RAPGEF2: variants seen among roughly 807,000 people sequenced by gnomAD.
The protein encoded by RAPGEF2 is Rap guanine nucleotide exchange factor 2, also known as PDZ domain containing guanine nucleotide exchange factor (GEF) 1.
A neutral mutation model predicts 186.7 loss-of-function variants in RAPGEF2; 54 were observed. The ratio of observed to expected loss-of-function variants is 0.29; its 90% CI spans 0.23 to 0.36. The LOEUF (loss-of-function observed/expected upper bound fraction) is 0.36, where lower values mean the gene tolerates loss of function less well. Among genes scored for constraint, RAPGEF2 ranks in the 10% least tolerant of loss-of-function variants. The pLI, the probability that RAPGEF2 is intolerant of heterozygous loss-of-function variation, is 1.00. For missense variants in RAPGEF2, 1,532 were observed against 2,045.0 expected (o/e 0.75, Z 4.84); for synonymous variants, 712 against 705.9 (o/e 1.01, Z -0.14).
chr4:159,104,514 GAGAGAGAGAGAGGGAGAGAC>G lies in RAPGEF2; in HGVS notation c.69+296_69+315del, dbSNP rs1469659140. Among the ~76,000 whole-genome samples the G allele has an allele frequency of 1.1e-3, 139 of 130,924 alleles. 1 individual carries two copies. Among genetic ancestry groups the G allele is most frequent in the African/African-American group, 1.3e-3 (40 of 30,030 alleles). The allele number at this position is 130,924 out of a possible 152,430, so 85.9% of individuals were successfully genotyped here. The stretch of plus-strand genomic sequence containing the variant: ...CGAGAGAGAGAGAGAGAGAGAGAGA[GAGAGAGAGAGAGGGAGAGAC>G]AGAGAGAGAGAGAGAGAGAGTGTGT... On this transcript the variant is annotated intron_variant, in intron 1 of 29. Transcript: ENST00000691494.
At chr4:159,345,028 AT>A in intron 23 of RAPGEF2, 77 bp from the exon 24 acceptor site, 1 of 1,181,096 alleles carries the variant, frequency 8.5e-7, no homozygotes, top group Non-Finnish European at 1.2e-6. Context: ...GACTATTAAT[AT>A]CAGTCTTGGC....
At chr4:159,334,805 AAG>A (rs373749599) in intron 17 of RAPGEF2, among the ~76,000 whole-genome samples, 180 of 152,348 alleles carry the variant, frequency 1.2e-3, no homozygotes, top group African/African-American at 4.0e-3. Context: ...GGAAAAGAAA[AAG>A]AATGATTAGA....
intron 11 of RAPGEF2, among the ~76,000 whole-genome samples, chr4:159,326,079 G>A (rs1029319531): frequency 6.6e-6 from 1 of 152,136 alleles, no homozygotes; most frequent in Non-Finnish European, 1.5e-5. Context: ...CAGGGATTTC[G>A]TTCTTGTACT....
intron 8 of RAPGEF2, among the ~76,000 whole-genome samples, chr4:159,311,154 G>A (rs1432367218): frequency 1.3e-5 from 2 of 151,758 alleles, no homozygotes; most frequent in African/African-American, 2.4e-5. Flanking sequence ...TGTAAACTAG[G>A]GTTAGTAATA....
At chr4:159,177,690 C>T (rs7693588) in intron 1 of RAPGEF2, among the ~76,000 whole-genome samples, 1 of 152,154 alleles carries the variant, frequency 6.6e-6, no homozygotes, top group Non-Finnish European at 1.5e-5. Context: ...CTTAACCATA[C>T]CGTATCAATA....
At chr4:159,214,988 A>G (rs1750866257) in intron 4 of RAPGEF2, among the ~76,000 whole-genome samples, 1 of 152,098 alleles carries the variant, frequency 6.6e-6, no homozygotes, top group Admixed American at 6.5e-5. Context: ...TCGGCCTCCC[A>G]AGTAGTTGGT....
intron 25 of RAPGEF2, among the ~76,000 whole-genome samples, chr4:159,349,501 C>T (rs1359131826): frequency 3.0e-5 from 2 of 67,002 alleles, no homozygotes; most frequent in Non-Finnish European, 5.1e-5. Context: ...GGTGCTGGCT[C>T]ACTTCCTTCT....
intron 7 of RAPGEF2, among the ~76,000 whole-genome samples, chr4:159,257,450 C>G (rs1295867886): frequency 1.3e-5 from 2 of 152,120 alleles, no homozygotes; most frequent in East Asian, 3.9e-4. Flanking sequence ...ATGAGAACAG[C>G]ACAGGAAAGA....
chr4:159,104,510 G>GAC (rs1737586827), intron 1 of RAPGEF2, among the ~76,000 whole-genome samples: 1 of 129,686 alleles, frequency 7.7e-6, no homozygotes, highest in Non-Finnish European at 1.6e-5. Flanking sequence ...GAGAGAGAGA[G>GAC]AGAGAGAGAG....
chr4:159,194,647 C>G (rs574567158), intron 3 of RAPGEF2, among the ~76,000 whole-genome samples: 2 of 152,210 alleles, frequency 1.3e-5, no homozygotes, highest in South Asian at 4.2e-4. Flanking sequence ...TTAAAAATAA[C>G]TCTTTAATAT....
rs377103524 is a variant in RAPGEF2, at chr4:159,250,963, A to G, written c.543+7172A>G. 2.6e-4 allele frequency among the ~76,000 whole-genome samples: 39 copies of G among 152,306 alleles called. No individual in the cohort carries two copies. In the Middle Eastern group the frequency reaches 0.01, roughly 40 times the overall value. On this transcript the variant is annotated intron_variant, in intron 7 of 29. Transcript: ENST00000691494. ...GGAACCTGGGCTGTGCGCCACGCTCATGGGCCAGCACGAGTTCCCAGTGGG... is the reference window on the plus strand; with the variant it reads ...GGAACCTGGGCTGTGCGCCACGCTCGTGGGCCAGCACGAGTTCCCAGTGGG...
intron 7 of RAPGEF2, among the ~76,000 whole-genome samples, chr4:159,286,393 C>G (rs1372485136): frequency 6.6e-6 from 1 of 152,138 alleles, no homozygotes; most frequent in African/African-American, 2.4e-5. Flanking sequence ...AGTACTTGTA[C>G]TATTCCTAGA....
chr4:159,346,862 A>G lies in RAPGEF2; in HGVS notation c.3576A>G (p.Gln1192=), dbSNP rs568489714. The change falls in exon 25 of 30, where the codon CAA becomes CAG. Residue 1192 remains glutamine, a synonymous_variant. Coordinates refer to ENST00000691494, the MANE Select transcript of RAPGEF2 (RefSeq NM_001394067.2). ...CAGTAGCTCCAAGGGCAGGGTCACA[A>G]CAGAAAGCTCAGTCCCTGCCACAGC... The part of the protein sequence containing the change: ...TSPVAPRAGS[Q]QKAQSLPQPQ... 1 of 1,614,212 alleles carries G rather than the reference A, an allele frequency of 6.2e-7. No individual in the cohort carries two copies. Among genetic ancestry groups the G allele is most frequent in the East Asian group, 2.2e-5 (1 of 44,882 alleles).
chr4:159,255,051 T>C (rs1163104644), intron 7 of RAPGEF2, among the ~76,000 whole-genome samples: 1 of 152,210 alleles, frequency 6.6e-6, no homozygotes, highest in Non-Finnish European at 1.5e-5. Flanking sequence ...AATACTATTG[T>C]ATTACAGTTG....
chr4:159,298,947 A>G (rs1324554154), intron 7 of RAPGEF2, among the ~76,000 whole-genome samples: 1 of 152,224 alleles, frequency 6.6e-6, no homozygotes, highest in Non-Finnish European at 1.5e-5. Context: ...TCAATAAATG[A>G]TGGATGAATG....
At chr4:159,186,750 A>G in intron 2 of RAPGEF2, 38 bp downstream of exon 2, 1 of 1,174,602 alleles carries the variant, frequency 8.5e-7, no homozygotes. Flanking sequence ...ATAGAATGGT[A>G]AAAATTTGAA....
At chr4:159,292,375 C>T (rs553910839) in intron 7 of RAPGEF2, among the ~76,000 whole-genome samples, 13 of 152,304 alleles carry the variant, frequency 8.5e-5, no homozygotes, top group Admixed American at 1.3e-4. Flanking sequence ...GTCAGGCCTT[C>T]ATTCCATTCA....
chr4:159,309,044 A>G (rs962974339), intron 8 of RAPGEF2, among the ~76,000 whole-genome samples: 1 of 152,220 alleles, frequency 6.6e-6, no homozygotes, highest in African/African-American at 2.4e-5. Flanking sequence ...CAGTAAGCAC[A>G]AAGAAAGCAA....
intron 7 of RAPGEF2, among the ~76,000 whole-genome samples, chr4:159,275,652 A>G (rs1267046401): frequency 6.6e-6 from 1 of 152,126 alleles, no homozygotes. Flanking sequence ...CTTGTCATAG[A>G]TGTTTTATTT....
Sources: allele counts gnomAD v4.1 joint callset (sites outside exome capture counted in the v4.1 genomes callset), GRCh38; gene constraint gnomAD v4.1.1; transcripts MANE v1.5; gene names NCBI Gene and HGNC (gene_info 2026-07-23, HGNC 2026-07-21).